RAB35: variants seen among roughly 807,000 people sequenced by gnomAD.
RAB35 encodes ras-related protein Rab-35.
Under a neutral mutation model 28.9 loss-of-function variants are expected in RAB35, and 4 were observed. The ratio of observed to expected loss-of-function variants is 0.14; its 90% confidence interval spans 0.07 to 0.32. The LOEUF (loss-of-function observed/expected upper bound fraction) is 0.32, where lower values mean the gene tolerates loss of function less well. Ranked by LOEUF, RAB35 falls within the 10% of genes least tolerant of loss-of-function variation. The probability of loss-of-function intolerance (pLI) is 1.00; values close to 1 mark genes in which losing one functional copy is unlikely to be tolerated. For missense variants in RAB35, 128 were observed against 274.0 expected (o/e 0.47, Z 3.76); for synonymous variants, 99 against 105.1 (o/e 0.94, Z 0.35).
At chr12:120,109,782 G>A (rs1465300909) in intron 1 of RAB35, among the ~76,000 whole-genome samples, 1 of 151,808 alleles carries the variant, frequency 6.6e-6, no homozygotes, top group Admixed American at 6.6e-5. Context: ...GGGATTACAG[G>A]CATGAGCCAC....
At position 120,097,055 on chromosome 12, in the gene RAB35, G is replaced by T; in HGVS notation, c.*190C>A. ...AGGGGGCACCAGTAGGGAAGGGCGG[G>T]CTGGTCCAACACCTTCTTGGCACTC... On this transcript the variant is annotated 3_prime_UTR_variant, in exon 6 of 6. Transcript: ENST00000229340. 6.5e-7 allele frequency: 1 copy of T among 1,531,686 alleles called. No homozygotes were observed. Among genetic ancestry groups the T allele is most frequent in the South Asian group, 1.2e-5 (1 of 84,028 alleles). The allele number at this position is 1,531,686 out of a possible 1,614,324, so 94.9% of individuals were successfully genotyped here.
In RAB35 at chr12:120,097,128, C is replaced by T; in HGVS notation, c.*117G>A. The stretch of plus-strand genomic sequence containing the variant: ...CCGATGGCACCTCCCGATACAAAAA[C>T]ATGGAGAGAATTCTTTAAATAACGG... On this transcript the variant is annotated 3_prime_UTR_variant, in exon 6 of 6. Coordinates refer to ENST00000229340, the MANE Select transcript of RAB35 (RefSeq NM_006861.7). 4 of 1,605,824 alleles carry T rather than the reference C, an allele frequency of 2.5e-6. No individual in the cohort carries two copies. Among genetic ancestry groups the T allele is most frequent in the Non-Finnish European group, 3.4e-6 (4 of 1,178,318 alleles).
chr12:120,105,792 G>A (rs915135918), intron 2 of RAB35, among the ~76,000 whole-genome samples: 5 of 151,910 alleles, frequency 3.3e-5, no homozygotes, highest in African/African-American at 4.8e-5. Context: ...GCGTGGTGGC[G>A]GGCACCTGTG....
intron 3 of RAB35, among the ~76,000 whole-genome samples, chr12:120,100,310 C>T (rs1875607533): frequency 6.6e-6 from 1 of 152,250 alleles, no homozygotes; most frequent in African/African-American, 2.4e-5. Flanking sequence ...GGCTCCATCT[C>T]TGAAAGGCTG....
intron 5 of RAB35, 35 bp downstream of exon 5, chr12:120,098,776 G>A: frequency 6.2e-7 from 1 of 1,612,940 alleles, no homozygotes; most frequent in Non-Finnish European, 8.5e-7. Flanking sequence ...GCGGCCACGG[G>A]TGTGTGGCAG....
chr12:120,110,290 A>ATTTTTTTTTTTTTTTTTTTTTTTTT lies in RAB35; in HGVS notation c.53-1824_53-1823insAAAAAAAAAAAAAAAAAAAAAAAAA, dbSNP rs3999541. 7.2e-3 allele frequency among the ~76,000 whole-genome samples: 635 copies of ATTTTTTTTTTTTTTTTTTTTTTTTT among 88,448 alleles called. 106 individuals are homozygous for ATTTTTTTTTTTTTTTTTTTTTTTTT. Among genetic ancestry groups the ATTTTTTTTTTTTTTTTTTTTTTTTT allele is most frequent in the African/African-American group, 0.016 (328 of 19,974 alleles). 58.0% of individuals were successfully genotyped at this position (88,448 alleles called of 152,430 possible). A position where few individuals can be genotyped will look rare whatever the true frequency, so the allele number is the denominator to read the frequency against. ...TCTGTTCATGGGAGAAGCCCACAGCATTTTTTTTTTTTTTGGAGAGATAGG... is the reference window on the plus strand; with the variant it reads ...TCTGTTCATGGGAGAAGCCCACAGCATTTTTTTTTTTTTTTTTTTTTTTTTTTTTTTTTTTTTTTGGAGAGATAGG... On this transcript the variant is annotated intron_variant, in intron 1 of 5. Coordinates refer to ENST00000229340, the MANE Select transcript of RAB35 (RefSeq NM_006861.7).
chr12:120,107,047 G>GGC (rs1220047212), intron 2 of RAB35, among the ~76,000 whole-genome samples: 1 of 151,814 alleles, frequency 6.6e-6, no homozygotes, highest in East Asian at 1.9e-4. Flanking sequence ...GGAGTGCAGT[G>GGC]GTGCCATCTC....
chr12:120,109,758 C>T (rs1274774630), intron 1 of RAB35, among the ~76,000 whole-genome samples: 2 of 151,568 alleles, frequency 1.3e-5, no homozygotes, highest in African/African-American at 4.9e-5. Context: ...CCCGCCTGGG[C>T]CTCCCAAAGC....
intron 2 of RAB35, 44 bp downstream of exon 2, chr12:120,108,373 C>CA (rs1875975302): frequency 6.4e-7 from 1 of 1,554,900 alleles, no homozygotes; most frequent in South Asian, 1.1e-5. Flanking sequence ...TGTCAACAAA[C>CA]AAACAAAAAC....
At position 120,098,804 on chromosome 12, in the gene RAB35, G is replaced by C; in HGVS notation, c.477+7C>G. On this transcript the variant is annotated splice_region_variant and intron_variant, in intron 5 of 5. Coordinates refer to ENST00000229340, the MANE Select transcript of RAB35 (RefSeq NM_006861.7). ...TGTGGCAGAGCCACAGTGGCCCAGG[G>C]CCTCACCTCTTCCACGTTGACATTC... The C allele has an allele frequency of 6.2e-7, 1 of 1,614,158 alleles. No homozygotes were observed. Among genetic ancestry groups the C allele is most frequent in the South Asian group, 1.1e-5 (1 of 91,078 alleles).
At position 120,097,103 on chromosome 12, in the gene RAB35, C is replaced by T. The variant is rs1875446234; in HGVS notation, c.*142G>A. On this transcript the variant is annotated 3_prime_UTR_variant, in exon 6 of 6. Coordinates refer to ENST00000229340, the MANE Select transcript of RAB35 (RefSeq NM_006861.7). ...CTCGAGGAGGGCGGGGGAGGAAGTGCCGATGGCACCTCCCGATACAAAAAC... is the reference window on the plus strand; with the variant it reads ...CTCGAGGAGGGCGGGGGAGGAAGTGTCGATGGCACCTCCCGATACAAAAAC... 6.3e-7 allele frequency: 1 copy of T among 1,584,580 alleles called. No homozygotes were observed. The highest frequency in any genetic ancestry group is 1.8e-5 in the Admixed American group (1 of 57,010).
intron 1 of RAB35, among the ~76,000 whole-genome samples, chr12:120,113,547 G>A (rs1036054180): frequency 6.6e-6 from 1 of 152,120 alleles, no homozygotes; most frequent in Non-Finnish European, 1.5e-5. Flanking sequence ...GGCCGGGCGC[G>A]GTGGCTCACG....
chr12:120,099,796 G>T (rs763890839), intron 3 of RAB35, among the ~76,000 whole-genome samples: 1 of 152,220 alleles, frequency 6.6e-6, no homozygotes, highest in Non-Finnish European at 1.5e-5. Flanking sequence ...AAGGCCAGAA[G>T]GAAGGGGAGG....
intron 2 of RAB35, 142 bp downstream of exon 2, chr12:120,108,275 A>G (rs1005802942): frequency 2.4e-6 from 2 of 822,052 alleles, no homozygotes; most frequent in African/African-American, 1.7e-5. Flanking sequence ...CCTAAGCCCC[A>G]CTCCATCTTC....
chr12:120,106,722 G>A (rs986234402), intron 2 of RAB35, among the ~76,000 whole-genome samples: 14 of 151,016 alleles, frequency 9.3e-5, no homozygotes, highest in Non-Finnish European at 1.6e-4. Flanking sequence ...CTGAGTAGCC[G>A]GGATTACAGG....
intron 1 of RAB35, among the ~76,000 whole-genome samples, chr12:120,112,180 A>ATTG (rs1463211049): frequency 6.6e-6 from 1 of 151,946 alleles, no homozygotes; most frequent in Non-Finnish European, 1.5e-5. Context: ...GTTTCACCAC[A>ATTG]TTGGCCAAGC....
intron 1 of RAB35, among the ~76,000 whole-genome samples, chr12:120,114,793 G>A (rs1876263189): frequency 6.6e-6 from 1 of 152,214 alleles, no homozygotes; most frequent in African/African-American, 2.4e-5. Context: ...CTTTACAGAG[G>A]AGAAGAGCCA....
chr12:120,099,005 G>A (rs376447628), intron 4 of RAB35, 25 bp downstream of exon 4: 12 of 980,844 alleles, frequency 1.2e-5, no homozygotes, highest in African/African-American at 1.6e-5. Flanking sequence ...ACCCAACCCC[G>A]ACCCGGCCCT....
chr12:120,098,081 C>T (rs561459435), intron 5 of RAB35, among the ~76,000 whole-genome samples: 177 of 152,082 alleles, frequency 1.2e-3, no homozygotes, highest in Non-Finnish European at 1.9e-3. Flanking sequence ...AGACAGGGTT[C>T]CACCATGTTA....
Sources: allele counts gnomAD v4.1 joint callset (sites outside exome capture counted in the v4.1 genomes callset), GRCh38; gene constraint gnomAD v4.1.1; transcripts MANE v1.5; gene names NCBI Gene and HGNC (gene_info 2026-07-23, HGNC 2026-07-21).